Variants in NID1 observed in about 807,000 individuals in gnomAD.
NID1 encodes nidogen 1.
A neutral mutation model predicts 130.6 loss-of-function variants in NID1; 76 were observed. That is an observed-to-expected ratio of 0.58 (90% CI 0.48 to 0.70). The LOEUF (loss-of-function observed/expected upper bound fraction) is 0.70. Among genes scored for constraint, NID1 ranks in the 30% least tolerant of loss-of-function variants. The pLI is 0.00. For missense variants in NID1, 1,517 were observed against 1,664.8 expected, an observed-to-expected ratio of 0.91 and a Z score of 1.54; for synonymous variants, 665 against 675.1, an observed-to-expected ratio of 0.98 and a Z score of 0.23.
chr1:236,061,074 A>C (rs573334055), intron 1 of NID1, among the ~76,000 whole-genome samples: 1 of 152,370 alleles, frequency 6.6e-6, no homozygotes, highest in Non-Finnish European at 1.5e-5. Flanking sequence ...GTCATGGTTG[A>C]TGAGGAAAAC....
Position 236,029,729 on chromosome 1 carries a change from G to A in NID1, c.1559C>T (p.Ala520Val), listed in dbSNP as rs1337064274. The change falls in exon 7 of 20, where the codon GCT (alanine) becomes GTT (valine). Residue 520 changes from alanine to valine, a missense_variant. Ala to Val is a moderately conservative substitution (Grantham distance 64). Around this residue, in one of 3 missense-constraint regions of NID1, gnomAD observed 1,329 missense variants for 1,429.2 expected, o/e 0.93. Coordinates refer to ENST00000264187, the MANE Select transcript of NID1 (RefSeq NM_002508.3). ...CGGGTGCCCCACGAAGGTCACCTCA[G>A]CCTGGCGAGTGAACTCACCCCCTGA... ...SITGGEFTRQAEVTFVGHPGN... is the reference protein window; with the variant it reads ...SITGGEFTRQVEVTFVGHPGN... 1.9e-6 allele frequency: 3 copies of A among 1,614,112 alleles called. No homozygotes were observed. The highest frequency in any genetic ancestry group is 1.7e-6 in the Non-Finnish European group (2 of 1,180,024).
At chr1:235,990,762 T>A (rs1392213588) in intron 14 of NID1, 124 bp downstream of exon 14, 3 of 722,164 alleles carry the variant, frequency 4.2e-6, no homozygotes, top group Non-Finnish European at 5.8e-6. Flanking sequence ...CACCCAGGAC[T>A]ACATGGAATG....
intron 15 of NID1, among the ~76,000 whole-genome samples, chr1:235,984,152 A>T (rs1418249709): frequency 1.3e-5 from 2 of 152,218 alleles, no homozygotes; most frequent in Non-Finnish European, 2.9e-5. Context: ...GGAAATAGCA[A>T]ACAATGACCT....
At chr1:235,984,360 C>T (rs34415891) in intron 15 of NID1, among the ~76,000 whole-genome samples, 3,598 of 152,254 alleles carry the variant, frequency 0.024, 99 homozygotes, top group Middle Eastern at 0.1. Flanking sequence ...TTAATTCAAC[C>T]TCAGCTTCAT....
intron 9 of NID1, among the ~76,000 whole-genome samples, chr1:236,020,633 A>G (rs1416887511): frequency 6.6e-6 from 1 of 151,540 alleles, no homozygotes; most frequent in Admixed American, 6.6e-5. Flanking sequence ...TCAGCGCTGC[A>G]CACACTGAAT....
chr1:236,035,984 C>A (rs899228032), intron 5 of NID1, among the ~76,000 whole-genome samples: 4 of 152,056 alleles, frequency 2.6e-5, no homozygotes, highest in Admixed American at 2.0e-4. Context: ...ATATTTAAAC[C>A]ACAAATCTAT....
chr1:235,991,096 G>A, intron 13 of NID1, 38 bp from the exon 14 acceptor site: 2 of 1,525,750 alleles, frequency 1.3e-6, no homozygotes, highest in Non-Finnish European at 1.8e-6. Flanking sequence ...AGGCCCGTGT[G>A]CACCAGGAAC....
chr1:236,021,616 A>G (rs867494341), intron 9 of NID1, among the ~76,000 whole-genome samples: 18 of 152,144 alleles, frequency 1.2e-4, no homozygotes, highest in Admixed American at 2.6e-4. Flanking sequence ...TGGGCTTGCC[A>G]GATTCTTATA....
rs1290540045 is a variant in NID1, at chr1:235,976,123, T to C, written c.*1744A>G. The stretch of plus-strand genomic sequence containing the variant: ...ATTTGGGCTACGTAAAAGACCTACA[T>C]GGTCCTCGAATCTTGTGATTCTTGG... On this transcript the variant is annotated 3_prime_UTR_variant, in exon 20 of 20. Coordinates refer to ENST00000264187, the MANE Select transcript of NID1 (RefSeq NM_002508.3). 6.6e-6 allele frequency: 1 copy of C among 152,216 alleles called. No individual in the cohort carries two copies. The highest frequency in any genetic ancestry group is 1.5e-5 in the Non-Finnish European group (1 of 68,044). The allele number at this position is 152,216 out of a possible 1,614,324, so 9.4% of individuals were successfully genotyped here.
At chr1:236,049,747 T>C (rs1049365256) in intron 1 of NID1, among the ~76,000 whole-genome samples, 3 of 152,142 alleles carry the variant, frequency 2.0e-5, no homozygotes, top group Admixed American at 6.5e-5. Flanking sequence ...CTCTTAAGAC[T>C]AGGTACTACT....
chr1:236,005,192 T>G (rs1192999427), intron 12 of NID1, among the ~76,000 whole-genome samples: 2 of 150,590 alleles, frequency 1.3e-5, no homozygotes, highest in African/African-American at 4.9e-5. Context: ...AACAAAAAAA[T>G]GTAAGCAGAG....
intron 1 of NID1, among the ~76,000 whole-genome samples, chr1:236,060,169 T>C (rs1450275826): frequency 6.6e-6 from 1 of 151,736 alleles, no homozygotes; most frequent in East Asian, 1.9e-4. Flanking sequence ...TAGTAGCCCA[T>C]TTTCATGGCT....
rs146677413 is a variant in NID1 at position 236,013,855 on chromosome 1, ATCCCCATCACAGG to A, written c.2255-308_2255-296del. Among the ~76,000 whole-genome samples the A allele has an allele frequency of 7.1e-3, 1,078 of 152,176 alleles. 15 individuals are homozygous for A. Among genetic ancestry groups the A allele is most frequent in the African/African-American group, 0.025 (1,036 of 41,508 alleles). On this transcript the variant is annotated intron_variant, in intron 10 of 19. Transcript: ENST00000264187. ...TGTCTCAGGCCACTCTCCAAACTAG[ATCCCCATCACAGG>A]TCCCCAGGACCCAACTTTCCCTTCA...
chr1:236,051,522 C>T (rs1183692349), intron 1 of NID1, among the ~76,000 whole-genome samples: 1 of 152,190 alleles, frequency 6.6e-6, no homozygotes, highest in African/African-American at 2.4e-5. Context: ...ATGTTATGGG[C>T]TATTAACTCT....
At chr1:236,018,943 C>T (rs974487617) in intron 9 of NID1, among the ~76,000 whole-genome samples, 1 of 152,230 alleles carries the variant, frequency 6.6e-6, no homozygotes, top group African/African-American at 2.4e-5. Context: ...AAATGTCCTA[C>T]TGGCCTATTG....
intron 12 of NID1, among the ~76,000 whole-genome samples, chr1:236,001,523 T>TGTCC (rs1558427914): frequency 6.6e-6 from 1 of 152,222 alleles, no homozygotes; most frequent in Non-Finnish European, 1.5e-5. Flanking sequence ...AAGGGGGCAA[T>TGTCC]GTCCATCTGA....
At chr1:235,983,612 A>C (rs915251847) in intron 15 of NID1, among the ~76,000 whole-genome samples, 2 of 152,302 alleles carry the variant, frequency 1.3e-5, no homozygotes, top group East Asian at 1.9e-4. Context: ...AGGAAGCTCC[A>C]TGAGCTCCGT....
intron 3 of NID1, among the ~76,000 whole-genome samples, chr1:236,042,558 C>A (rs761165396): frequency 1.3e-5 from 2 of 152,192 alleles, no homozygotes; most frequent in Non-Finnish European, 2.9e-5. Flanking sequence ...TCCAGGGACA[C>A]TATCAGGACT....
rs1658923517 is a variant in NID1, at chr1:236,026,149, G to A, written c.1739-8C>T. ...TGGAGGAGGAAGTGATCACTGCAGA[G>A]TGGGAAGGATGGAGGGGACAAGGCA... On this transcript the variant is annotated splice_region_variant and splice_polypyrimidine_tract_variant and intron_variant, in intron 7 of 19. Transcript: ENST00000264187. 1 of 1,613,102 alleles carries A rather than the reference G, an allele frequency of 6.2e-7. No individual in the cohort carries two copies. Among genetic ancestry groups the A allele is most frequent in the Non-Finnish European group, 8.5e-7 (1 of 1,179,488 alleles).
Sources: gnomAD v4.1 joint callset for allele counts (sites outside exome capture counted in the v4.1 genomes callset) on GRCh38, gnomAD v4.1.1 for gene constraint, gnomAD v4.1.1 regional missense constraint, MANE v1.5 for transcripts, NCBI Gene and HGNC (gene_info 2026-07-23, HGNC 2026-07-21) for gene names.